KCTD8: variants seen among roughly 807,000 people sequenced by gnomAD.
The protein encoded by KCTD8 is potassium channel tetramerization domain containing 8, also known as BTB/POZ domain-containing protein KCTD8.
Under a neutral mutation model 31.5 loss-of-function variants are expected in KCTD8, and 27 were observed. The ratio of observed to expected loss-of-function variants is 0.86; its 90% confidence interval spans 0.63 to 1.18. The LOEUF (loss-of-function observed/expected upper bound fraction) is 1.18. Ranked by LOEUF, KCTD8 falls within the 50% of genes most tolerant of loss-of-function variation. The probability of loss-of-function intolerance (pLI) is 0.00; values close to 1 mark genes in which losing one functional copy is unlikely to be tolerated. For synonymous variants in KCTD8, 290 were observed against 280.0 expected (o/e 1.04, Z -0.36); for missense variants, 658 against 647.7 (o/e 1.02, Z -0.17).
At chr4:44,396,359 T>C (rs980304347) in intron 1 of KCTD8, among the ~76,000 whole-genome samples, 3 of 152,118 alleles carry the variant, frequency 2.0e-5, no homozygotes, top group African/African-American at 7.2e-5. Context: ...TAAATGGCTA[T>C]GGACAGGTAC....
intron 1 of KCTD8, among the ~76,000 whole-genome samples, chr4:44,382,730 CA>C (rs34629884): frequency 9.2e-4 from 127 of 138,364 alleles, no homozygotes; most frequent in African/African-American, 8.7e-4. Flanking sequence ...AACTCCATTT[CA>C]AAAAAAAAAA....
chr4:44,420,924 C>G (rs932661760), intron 1 of KCTD8, among the ~76,000 whole-genome samples: 4 of 151,684 alleles, frequency 2.6e-5, no homozygotes, highest in Non-Finnish European at 5.9e-5. Context: ...GTTAGTGGAT[C>G]TCAACTAGGA....
chr4:44,344,642 CA>C (rs1221118946), intron 1 of KCTD8, among the ~76,000 whole-genome samples: 1 of 152,148 alleles, frequency 6.6e-6, no homozygotes. Flanking sequence ...TACAAAGTTA[CA>C]GTAGTGCTAC....
intron 1 of KCTD8, among the ~76,000 whole-genome samples, chr4:44,247,570 T>G (rs547490905): frequency 6.6e-6 from 1 of 151,928 alleles, no homozygotes; most frequent in Non-Finnish European, 1.5e-5. Flanking sequence ...CTCTAGACTT[T>G]ATTTATTTTG....
chr4:44,312,772 A>C (rs566419213), intron 1 of KCTD8, among the ~76,000 whole-genome samples: 1 of 152,200 alleles, frequency 6.6e-6, no homozygotes, highest in African/African-American at 2.4e-5. Context: ...TTTAATCTTC[A>C]TGGGAAAACA....
intron 1 of KCTD8, among the ~76,000 whole-genome samples, chr4:44,181,973 C>A (rs1225138574): frequency 1.3e-5 from 2 of 151,930 alleles, no homozygotes; most frequent in Non-Finnish European, 1.5e-5. Context: ...GCCCCTCCGC[C>A]CGGCAGCCGC....
In KCTD8 at chr4:44,188,566, G is replaced by A. The variant is rs148042291; in HGVS notation, c.962-13316C>T. ...TGGTTCCATAAAAGATAGCAGGCCCGAATCCCTGGAACCTGTAAATGTCAC... is the reference window on the plus strand; with the variant it reads ...TGGTTCCATAAAAGATAGCAGGCCCAAATCCCTGGAACCTGTAAATGTCAC... On this transcript the variant is annotated intron_variant, in intron 1 of 1. Coordinates refer to ENST00000360029, the MANE Select transcript of KCTD8 (RefSeq NM_198353.3). 5.3e-5 allele frequency among the ~76,000 whole-genome samples: 8 copies of A among 152,268 alleles called. 1 individual carries two copies. Among genetic ancestry groups the A allele is most frequent in the East Asian group, 1.9e-4 (1 of 5,180 alleles).
At chr4:44,337,103 T>A (rs1718769977) in intron 1 of KCTD8, among the ~76,000 whole-genome samples, 1 of 152,140 alleles carries the variant, frequency 6.6e-6, no homozygotes, top group African/African-American at 2.4e-5. Flanking sequence ...CTCTAAAATG[T>A]TCAACCTAAC....
intron 1 of KCTD8, among the ~76,000 whole-genome samples, chr4:44,386,732 C>T (rs537848384): frequency 6.6e-6 from 1 of 151,672 alleles, no homozygotes; most frequent in African/African-American, 2.4e-5. Flanking sequence ...AGTGATCCAG[C>T]AATCCCACTG....
intron 1 of KCTD8, among the ~76,000 whole-genome samples, chr4:44,264,223 C>G (rs1560409574): frequency 6.6e-6 from 1 of 152,080 alleles, no homozygotes; most frequent in Non-Finnish European, 1.5e-5. Context: ...TCTTTAAGTT[C>G]AAAATTGAAA....
At chr4:44,180,585 A>G (rs575406594) in intron 1 of KCTD8, among the ~76,000 whole-genome samples, 4 of 134,496 alleles carry the variant, frequency 3.0e-5, no homozygotes, top group African/African-American at 1.3e-4. Context: ...GTATACATAC[A>G]TGCACACACA....
intron 1 of KCTD8, among the ~76,000 whole-genome samples, chr4:44,356,650 T>G (rs2109427709): frequency 6.6e-6 from 1 of 152,242 alleles, no homozygotes; most frequent in East Asian, 1.9e-4. Context: ...TTTGTATTTT[T>G]GGTAGAGACA....
chr4:44,183,929 T>C (rs1299603352), intron 1 of KCTD8, among the ~76,000 whole-genome samples: 1 of 152,204 alleles, frequency 6.6e-6, no homozygotes, highest in East Asian at 1.9e-4. Flanking sequence ...AACCAATCTA[T>C]CTTAAATATT....
At chr4:44,371,609 G>C (rs1386529668) in intron 1 of KCTD8, among the ~76,000 whole-genome samples, 1 of 152,140 alleles carries the variant, frequency 6.6e-6, no homozygotes, top group African/African-American at 2.4e-5. Context: ...GAAAAAAGCA[G>C]AATGCAAACA....
intron 1 of KCTD8, among the ~76,000 whole-genome samples, chr4:44,425,871 C>T (rs1721332886): frequency 1.3e-5 from 2 of 151,792 alleles, no homozygotes; most frequent in Non-Finnish European, 2.9e-5. Context: ...GGGAGGGACC[C>T]AGCTAGTGCA....
Position 44,216,884 on chromosome 4 carries a change from CA to C in KCTD8, c.962-41635del, listed in dbSNP as rs372012972. ...CATGCACAAGTGACTCTATACACTT[CA>C]AAAGTTAATTTTTTTTTTGTCAAAG... On this transcript the variant is annotated intron_variant, in intron 1 of 1. Transcript: ENST00000360029. 8.7e-3 allele frequency among the ~76,000 whole-genome samples: 1,330 copies of C among 152,070 alleles called. 20 individuals carry two copies. The highest frequency in any genetic ancestry group is 0.031 in the African/African-American group (1,264 of 41,418).
chr4:44,438,523 G>A (rs1721735310), intron 1 of KCTD8, among the ~76,000 whole-genome samples: 1 of 152,108 alleles, frequency 6.6e-6, no homozygotes, highest in Non-Finnish European at 1.5e-5. Context: ...TAATTAACCA[G>A]TGACCAGCAC....
intron 1 of KCTD8, among the ~76,000 whole-genome samples, chr4:44,392,474 T>C (rs771023430): frequency 2.0e-5 from 3 of 152,128 alleles, no homozygotes; most frequent in Middle Eastern, 3.4e-3. Context: ...TTGAGTCAGA[T>C]TGTCCATAAT....
intron 1 of KCTD8, among the ~76,000 whole-genome samples, chr4:44,285,178 T>G (rs1200420272): frequency 6.6e-6 from 1 of 152,212 alleles, no homozygotes; most frequent in Non-Finnish European, 1.5e-5. Context: ...TACACATATG[T>G]GTATTGCAGC....
Sources: gnomAD v4.1 joint callset for allele counts (sites outside exome capture counted in the v4.1 genomes callset) on GRCh38, gnomAD v4.1.1 for gene constraint, MANE v1.5 for transcripts, NCBI Gene and HGNC (gene_info 2026-07-23, HGNC 2026-07-21) for gene names.